Variants in SHROOM4 observed in about 807,000 individuals in gnomAD.
SHROOM4 encodes the protein shroom family member 4.
Under a neutral mutation model 80.3 loss-of-function variants are expected in SHROOM4, and 17 were observed. The ratio of observed to expected loss-of-function variants is 0.21; its 90% CI spans 0.14 to 0.32. The LOEUF (loss-of-function observed/expected upper bound fraction) is 0.32. Among genes scored for constraint, SHROOM4 ranks in the 10% least tolerant of loss-of-function variants. The pLI is 1.00. For missense variants in SHROOM4, 993 were observed against 1,140.3 expected (o/e 0.87, Z 1.86); for synonymous variants, 400 against 437.5 (o/e 0.91, Z 1.07).
chrX:50,741,853 G>GT (rs1351546842), intron 1 of SHROOM4, among the ~76,000 whole-genome samples: 4 of 110,629 alleles, frequency 3.6e-5, no homozygotes, highest in African/African-American at 1.3e-4. Flanking sequence ...AAATGATCAT[G>GT]TTTTTGCCTT....
At chrX:50,620,564 A>C (rs1930530224) in intron 5 of SHROOM4, among the ~76,000 whole-genome samples, 1 of 111,822 alleles carries the variant, frequency 8.9e-6, no homozygotes, top group African/African-American at 3.2e-5. Context: ...AGAAACACAT[A>C]CTCTTGTCAC....
chrX:50,624,402 T>G (rs1233887350), intron 5 of SHROOM4, among the ~76,000 whole-genome samples: 1 of 111,064 alleles, frequency 9.0e-6, no homozygotes, highest in Middle Eastern at 4.2e-3. Flanking sequence ...GTTTCCTTTG[T>G]TGATTCTTCT....
chrX:50,619,915 T>G lies in SHROOM4; in HGVS notation c.2957+7699A>C, dbSNP rs181722598. Among the ~76,000 whole-genome samples, 9 of 111,180 alleles carry G rather than the reference T, an allele frequency of 8.1e-5. No individual in the cohort carries two copies. In the Admixed American group the frequency reaches 8.6e-4, roughly 11 times the overall value. ...TATGTTGTAGTGGTGGTGACAAATT[T>G]GGAGATTCGTAGAGGTCTGGTGATG... On this transcript the variant is annotated intron_variant, in intron 5 of 8. Transcript: ENST00000376020.
intron 1 of SHROOM4, among the ~76,000 whole-genome samples, chrX:50,801,650 C>T (rs781973182): frequency 4.8e-4 from 53 of 111,530 alleles, no homozygotes; most frequent in Non-Finnish European, 7.9e-4. Flanking sequence ...GGGAAAAACA[C>T]GCAAATTACA....
chrX:50,754,004 T>C (rs1015633913), intron 1 of SHROOM4, among the ~76,000 whole-genome samples: 9 of 112,154 alleles, frequency 8.0e-5, no homozygotes, highest in Non-Finnish European at 1.5e-4. Flanking sequence ...GGCTAATGCA[T>C]ACATAACGCT....
At chrX:50,744,965 A>G (rs989356943) in intron 1 of SHROOM4, among the ~76,000 whole-genome samples, 3 of 111,970 alleles carry the variant, frequency 2.7e-5, no homozygotes, top group Admixed American at 9.5e-5. Context: ...TAAAGCTTCT[A>G]TCTTTTGCCA....
chrX:50,743,776 C>T (rs1378807829), intron 1 of SHROOM4, among the ~76,000 whole-genome samples: 3 of 111,970 alleles, frequency 2.7e-5, no homozygotes, highest in East Asian at 2.8e-4. Context: ...TATTTCTTTC[C>T]GTTTTTCTCA....
intron 2 of SHROOM4, among the ~76,000 whole-genome samples, chrX:50,650,475 C>A (rs1961488): frequency 9.0e-6 from 1 of 110,536 alleles, no homozygotes; most frequent in Admixed American, 9.5e-5. Context: ...CTCAGCCTCC[C>A]GAGTAGCCGG....
At chrX:50,670,836 T>C (rs1383696877) in intron 2 of SHROOM4, among the ~76,000 whole-genome samples, 2 of 112,455 alleles carry the variant, frequency 1.8e-5, no homozygotes, top group Non-Finnish European at 3.8e-5. Context: ...ATTGTGGTTT[T>C]GATTTGCCTT....
chrX:50,638,552 T>C (rs908062680), intron 2 of SHROOM4, among the ~76,000 whole-genome samples: 3 of 112,316 alleles, frequency 2.7e-5, no homozygotes, highest in African/African-American at 9.7e-5. Flanking sequence ...CGTATCACAG[T>C]GCTGGACACA....
intron 1 of SHROOM4, among the ~76,000 whole-genome samples, chrX:50,753,483 A>C (rs73483747): frequency 0.062 from 6,881 of 111,733 alleles, 552 homozygotes; most frequent in African/African-American, 0.21. Context: ...ATTTCAGTAT[A>C]CCTGGGAGCA....
intron 5 of SHROOM4, among the ~76,000 whole-genome samples, chrX:50,623,128 T>C (rs1164248745): frequency 2.7e-5 from 3 of 111,925 alleles, no homozygotes; most frequent in Non-Finnish European, 5.6e-5. Flanking sequence ...CTAACTATCA[T>C]CCTATTTCTC....
chrX:50,769,149 GA>G (rs782097196), intron 1 of SHROOM4, among the ~76,000 whole-genome samples: 8 of 104,315 alleles, frequency 7.7e-5, no homozygotes, highest in Non-Finnish European at 1.4e-4. Flanking sequence ...GGAAGGAGGG[GA>G]AAAAAAGAGG....
intron 1 of SHROOM4, among the ~76,000 whole-genome samples, chrX:50,769,711 G>T (rs1935358145): frequency 9.0e-6 from 1 of 111,367 alleles, no homozygotes. Flanking sequence ...GTCTCAGTAG[G>T]CCAACCAGTC....
chrX:50,751,022 C>T (rs1464036549), intron 1 of SHROOM4, among the ~76,000 whole-genome samples: 1 of 112,312 alleles, frequency 8.9e-6, no homozygotes, highest in Non-Finnish European at 1.9e-5. Context: ...CTTGCCTTCA[C>T]CATCTTTAAC....
chrX:50,798,952 T>C (rs1193477897), intron 1 of SHROOM4, among the ~76,000 whole-genome samples: 4 of 111,601 alleles, frequency 3.6e-5, no homozygotes, highest in African/African-American at 1.3e-4. Context: ...AAGAATTCCC[T>C]CCTGCCCTTT....
At chrX:50,720,349 C>A (rs1338126420) in intron 1 of SHROOM4, among the ~76,000 whole-genome samples, 1 of 111,572 alleles carries the variant, frequency 9.0e-6, no homozygotes, top group African/African-American at 3.3e-5. Context: ...AGGTGAACCC[C>A]AAGAAGACAG....
At chrX:50,722,863 A>G (rs1934151083) in intron 1 of SHROOM4, among the ~76,000 whole-genome samples, 2 of 111,013 alleles carry the variant, frequency 1.8e-5, no homozygotes, top group Admixed American at 1.9e-4. Context: ...GCATACATCA[A>G]TAAGTAGCAT....
At chrX:50,625,250 G>A (rs963089457) in intron 5 of SHROOM4, among the ~76,000 whole-genome samples, 10 of 112,102 alleles carry the variant, frequency 8.9e-5, no homozygotes, top group African/African-American at 3.2e-4. Context: ...ATAATAGCCA[G>A]AAATTGGAAA....
Sources: allele counts gnomAD v4.1 joint callset (sites outside exome capture counted in the v4.1 genomes callset), GRCh38; gene constraint gnomAD v4.1.1; transcripts MANE v1.5; gene names NCBI Gene and HGNC (gene_info 2026-07-23, HGNC 2026-07-21).